Variants in DRC4 observed in about 807,000 individuals in gnomAD.
DRC4 encodes GAS-11.
the DRC4 span, chr16:90,042,365 TGCTATTC>T: frequency 1.2e-6 from 1 of 857,212 alleles, no homozygotes; most frequent in Non-Finnish European, 2.0e-6. Context: ...CAAACCAGGC[TGCTATTC>T]GCTGGATCTC....
chr16:90,032,495 G>A, the DRC4 span, among the ~76,000 whole-genome samples: 1 of 150,790 alleles, frequency 6.6e-6, no homozygotes, highest in African/African-American at 2.4e-5. Context: ...GTACGGGTAC[G>A]GACAGGTGAG....
chr16:90,030,114 T>C, the DRC4 span, among the ~76,000 whole-genome samples: 1 of 152,160 alleles, frequency 6.6e-6, no homozygotes, highest in African/African-American at 2.4e-5. Flanking sequence ...GTCCTACATT[T>C]TTTTTTAACC....
chr16:90,040,978 A>G, the DRC4 span, among the ~76,000 whole-genome samples: 1 of 152,144 alleles, frequency 6.6e-6, no homozygotes, highest in Non-Finnish European at 1.5e-5. Flanking sequence ...CACCTGGGCC[A>G]GAGGCACTGT....
At chr16:90,040,278 A>G in the DRC4 span, 2 of 1,556,752 alleles carry the variant, frequency 1.3e-6, no homozygotes, top group South Asian at 1.2e-5. Context: ...CTCATCGCCC[A>G]CCCCCAGCGC....
the DRC4 span, among the ~76,000 whole-genome samples, chr16:90,041,542 ACG>A: frequency 6.6e-6 from 1 of 152,190 alleles, no homozygotes; most frequent in Non-Finnish European, 1.5e-5. Context: ...GCGGTGGCTC[ACG>A]CCTGTAATCC....
chr16:90,043,576 T>C, the DRC4 span: 2 of 593,854 alleles, frequency 3.4e-6, no homozygotes, highest in African/African-American at 1.8e-5. Context: ...GTCCAGCCTG[T>C]GTCCAGGCCT....
the DRC4 span, chr16:90,037,222 G>A: frequency 1.2e-6 from 2 of 1,602,724 alleles, no homozygotes; most frequent in Non-Finnish European, 1.7e-6. Context: ...GCCTGTGCTT[G>A]TGCCTGCAGG....
the DRC4 span, among the ~76,000 whole-genome samples, chr16:90,031,725 T>C: frequency 6.6e-6 from 1 of 152,314 alleles, no homozygotes; most frequent in Non-Finnish European, 1.5e-5. Context: ...ACTGGCCTGT[T>C]TGCAACTCAG....
the DRC4 span, among the ~76,000 whole-genome samples, chr16:90,023,722 G>GTA: frequency 4.0e-5 from 6 of 151,060 alleles, no homozygotes; most frequent in African/African-American, 7.2e-5. Context: ...GTCTGGGCGC[G>GTA]GTGGCTCACG....
chr16:90,041,563 T>TGGGA, the DRC4 span, among the ~76,000 whole-genome samples: 1 of 152,154 alleles, frequency 6.6e-6, no homozygotes, highest in African/African-American at 2.4e-5. Context: ...CCCAGCACTT[T>TGGGA]GGGAGGCTGA....
At chr16:90,042,544 GTGCCC>G in the DRC4 span, 1 of 1,612,422 alleles carries the variant, frequency 6.2e-7, no homozygotes, top group Non-Finnish European at 8.5e-7. Flanking sequence ...AGGTACGGCT[GTGCCC>G]TGCCCTCCCT....
the DRC4 span, among the ~76,000 whole-genome samples, chr16:90,026,738 C>T: frequency 6.6e-6 from 1 of 151,894 alleles, no homozygotes; most frequent in Non-Finnish European, 1.5e-5. Flanking sequence ...GGCTGGAGTG[C>T]GGTGGTGCAC....
the DRC4 span, among the ~76,000 whole-genome samples, chr16:90,023,042 C>T: frequency 4.6e-4 from 70 of 152,282 alleles, 1 homozygote; most frequent in Middle Eastern, 6.8e-3. Flanking sequence ...AGGGGACTCT[C>T]ATCCTGGAAT....
the DRC4 span, chr16:90,032,882 G>A: frequency 1.9e-6 from 3 of 1,613,798 alleles, no homozygotes; most frequent in African/African-American, 2.7e-5. Context: ...AGCTCAAGGA[G>A]CAGGAGCTGG....
chr16:90,035,921 C>T, the DRC4 span: 8 of 1,435,256 alleles, frequency 5.6e-6, no homozygotes, highest in East Asian at 2.5e-5. Context: ...ATTCCCACTC[C>T]TAGCTAAAAT....
chr16:90,040,805 T>A, the DRC4 span, among the ~76,000 whole-genome samples: 3 of 151,508 alleles, frequency 2.0e-5, no homozygotes, highest in African/African-American at 7.3e-5. Flanking sequence ...GCCAGGAGGC[T>A]GAGTCCACAG....
the DRC4 span, among the ~76,000 whole-genome samples, chr16:90,027,412 C>G: frequency 1.3e-5 from 2 of 152,144 alleles, no homozygotes; most frequent in African/African-American, 2.4e-5. Flanking sequence ...AAGGAATGTT[C>G]TCCTTCTCAA....
the DRC4 span, chr16:90,029,423 G>T: frequency 1.4e-4 from 123 of 858,226 alleles, no homozygotes; most frequent in Admixed American, 1.1e-3. Context: ...TGGAAATCTG[G>T]ATATTTATAA....
At chr16:90,037,715 G>C in the DRC4 span, 9 of 1,559,438 alleles carry the variant, frequency 5.8e-6, no homozygotes, top group African/African-American at 1.4e-5. Flanking sequence ...TTGGATGACT[G>C]TGAATCTTGA....
Sources: gnomAD v4.1 joint callset for allele counts (sites outside exome capture counted in the v4.1 genomes callset) on GRCh38, gnomAD v4.1.1 for gene constraint, MANE v1.5 for transcripts, NCBI Gene and HGNC (gene_info 2026-07-23, HGNC 2026-07-21) for gene names.